The following TADA3 variants were observed in gnomAD, a reference collection of about 807,000 sequenced individuals.
TADA3 encodes the protein transcriptional adapter 3.
A neutral mutation model predicts 43.2 loss-of-function variants in TADA3; 25 were observed. The observed-to-expected ratio is 0.58, with a 90% CI of 0.42 to 0.81. The LOEUF (loss-of-function observed/expected upper bound fraction) is 0.81, where lower values mean the gene tolerates loss of function less well. Among genes scored for constraint, TADA3 ranks in the 30% least tolerant of loss-of-function variants. TADA3 has a pLI of 0.00. For synonymous variants in TADA3, 235 were observed against 225.5 expected, an observed-to-expected ratio of 1.04 and a Z score of -0.38; for missense variants, 441 against 567.8, an observed-to-expected ratio of 0.78 and a Z score of 2.27.
rs534088819 is a variant in TADA3 at position 9,792,379 on chromosome 3, G to GC, written c.-192dup. The stretch of plus-strand genomic sequence containing the variant: ...CTAGGGACACCCTAGTGCGACCCCC[G>GC]CCCCCTCTACCTCCTCGCTGCGGCC... On this transcript the variant is annotated 5_prime_UTR_variant, in exon 1 of 9. Transcript: ENST00000301964. 6.4e-3 allele frequency: 3,877 copies of GC among 608,626 alleles called. 14 individuals carry two copies. The highest frequency in any genetic ancestry group is 7.3e-3 in the Non-Finnish European group (3,484 of 474,368). 37.7% of individuals were successfully genotyped at this position (608,626 alleles called of 1,614,324 possible). A position where few individuals can be genotyped will look rare whatever the true frequency, so the allele number is the denominator to read the frequency against.
At chr3:9,785,250 T>C (rs1344714787) in intron 7 of TADA3, 66 bp downstream of exon 7, 48 of 1,311,824 alleles carry the variant, frequency 3.7e-5, no homozygotes, top group Non-Finnish European at 4.9e-5. Context: ...CTTCCCCAGG[T>C]TGAGATGGAG....
chr3:9,785,452 G>A (rs749563985), intron 6 of TADA3, 27 bp from the exon 7 acceptor site: 28 of 1,503,402 alleles, frequency 1.9e-5, no homozygotes, highest in Non-Finnish European at 2.4e-5. Context: ...ATGAGTGGAA[G>A]GAAAAATAGC....
chr3:9,780,491 T>C lies in TADA3; in HGVS notation c.1165A>G (p.Asn389Asp). Reference protein sequence around the residue: ...ELRQRVRMADNEVMDAFRKIM... With the variant: ...ELRQRVRMADDEVMDAFRKIM... ...TTGCGAAAGGCGTCCATGACCTCGT[T>C]GTCAGCCATGCGCACCCGCTGCCTC... Residue 389 changes from asparagine (N) to aspartate (D), a missense_variant, in exon 9 of 9, where the codon AAC (asparagine) becomes GAC (aspartate). Coordinates refer to ENST00000301964, the MANE Select transcript of TADA3 (RefSeq NM_006354.5). 1 of 1,609,942 alleles carries C rather than the reference T, an allele frequency of 6.2e-7. No homozygotes were observed. Among genetic ancestry groups the C allele is most frequent in the Admixed American group, 1.7e-5 (1 of 59,992 alleles).
chr3:9,783,883 C>G, intron 8 of TADA3, 145 bp downstream of exon 8: 1 of 1,377,970 alleles, frequency 7.3e-7, no homozygotes, highest in Non-Finnish European at 9.5e-7. Context: ...GGTGGACTGG[C>G]CACTGCTGTT....
upstream of TADA3, chr3:9,792,609 C>T: frequency 4.9e-6 from 6 of 1,230,696 alleles, no homozygotes; most frequent in Non-Finnish European, 6.1e-6. Flanking sequence ...TGGTCGGCCT[C>T]AGGCGAGCCC....
chr3:9,792,195 G>A (rs931045187), intron 1 of TADA3, 21 bp downstream of exon 1: 4 of 152,662 alleles, frequency 2.6e-5, no homozygotes, highest in African/African-American at 9.6e-5. Context: ...TCTGAAAAAT[G>A]GGGATAACAA....
upstream of TADA3, chr3:9,792,752 G>T: frequency 8.0e-7 from 1 of 1,243,470 alleles, no homozygotes; most frequent in Non-Finnish European, 1.0e-6. Flanking sequence ...CGGAAGAAAC[G>T]AAGGGCTCGT....
At chr3:9,787,432 C>G (rs764731669) in intron 4 of TADA3, 92 bp from the exon 5 acceptor site, 3 of 1,494,678 alleles carry the variant, frequency 2.0e-6, no homozygotes, top group Non-Finnish European at 2.7e-6. Flanking sequence ...ATATCTCTCT[C>G]AAGTCCCTAG....
chr3:9,785,733 G>A (rs947842316), intron 6 of TADA3, among the ~76,000 whole-genome samples: 1 of 152,234 alleles, frequency 6.6e-6, no homozygotes, highest in Non-Finnish European at 1.5e-5. Flanking sequence ...GCCTGCTGTG[G>A]CGGAGATGCT....
chr3:9,781,921 C>G (rs1036980527), intron 8 of TADA3, among the ~76,000 whole-genome samples: 12 of 149,478 alleles, frequency 8.0e-5, no homozygotes, highest in Non-Finnish European at 1.5e-4. Context: ...TCACTGCAGC[C>G]TCTACCTCCC....
chr3:9,787,068 G>T lies in TADA3; in HGVS notation c.748C>A (p.Gln250Lys). 1 of 1,614,246 alleles carries T rather than the reference G, an allele frequency of 6.2e-7. No homozygotes were observed. The highest frequency in any genetic ancestry group is 1.1e-5 in the South Asian group (1 of 91,088). Reference sequence around the variant, plus strand: ...CCAAAGGGGCATCCATCTTCCGGCTGTTCATGCTGGGCCTCAGACTTCTTC... The same window carrying T: ...CCAAAGGGGCATCCATCTTCCGGCTTTTCATGCTGGGCCTCAGACTTCTTC... Reference protein sequence around the residue: ...LLKKSEAQHEQPEDGCPFGAL... With the variant: ...LLKKSEAQHEKPEDGCPFGAL... Residue 250 changes from glutamine (Q) to lysine (K), a missense_variant, in exon 6 of 9, where the codon CAG becomes AAG. Physicochemically the swap from Gln to Lys is moderately conservative, Grantham distance 53. Transcript: ENST00000301964.
chr3:9,781,438 G>C (rs552909477), intron 8 of TADA3: 1 of 441,450 alleles, frequency 2.3e-6, no homozygotes, highest in African/African-American at 2.0e-5. Flanking sequence ...ATGATCCCAG[G>C]ATCCCACAGT....
chr3:9,792,150 G>A (rs1166951086), intron 1 of TADA3, 66 bp downstream of exon 1: 1 of 152,426 alleles, frequency 6.6e-6, no homozygotes, highest in Admixed American at 6.5e-5. Context: ...GGGGACAAAA[G>A]AAGTCTCGGT....
In TADA3 at chr3:9,789,543, A is replaced by C; in HGVS notation, c.530T>G (p.Leu177Arg). 1 of 1,614,158 alleles carries C rather than the reference A, an allele frequency of 6.2e-7. No homozygotes were observed. ...SEEVRTLEELLKPPEDEAEHY... is the reference protein window; with the variant it reads ...SEEVRTLEELRKPPEDEAEHY... ...CTCAGCCTCATCTTCTGGGGGCTTC[A>C]GTAACTCCTCAAGTGTGCGGACCTC... The change falls in exon 4 of 9, where the codon CTG (leucine) becomes CGG (arginine). Residue 177 changes from leucine to arginine, a missense_variant. Coordinates refer to ENST00000301964, the MANE Select transcript of TADA3 (RefSeq NM_006354.5).
At chr3:9,792,595 C>G, upstream of TADA3, 1 of 1,229,490 alleles carries the variant, frequency 8.1e-7, no homozygotes, top group Non-Finnish European at 1.0e-6. Flanking sequence ...AGGTGGGGTG[C>G]GGGTGGTCGG....
rs192793465 is a variant in TADA3 at position 9,788,926 on chromosome 3, C to T, written c.564+583G>A. Among the ~76,000 whole-genome samples the T allele has an allele frequency of 4.4e-4, 66 of 151,688 alleles. 1 individual carries two copies. In the East Asian group the frequency reaches 0.013, roughly 29 times the overall value. On this transcript the variant is annotated intron_variant, in intron 4 of 8. Transcript: ENST00000301964. ...TCTCGGCTCACTGCAACTTCCACCT[C>T]CCGGGTCCAAGAGATCCTCCTGACT...
At chr3:9,786,161 G>A (rs919738234) in intron 6 of TADA3, among the ~76,000 whole-genome samples, 5 of 152,002 alleles carry the variant, frequency 3.3e-5, no homozygotes, top group Admixed American at 6.6e-5. Context: ...GGATGGTCTC[G>A]ATCTCCTGAC....
intron 6 of TADA3, 66 bp from the exon 7 acceptor site, chr3:9,785,491 T>C (rs1039153978): frequency 9.3e-7 from 1 of 1,079,620 alleles, no homozygotes; most frequent in Non-Finnish European, 1.4e-6. Flanking sequence ...CTTTCTGACC[T>C]ACACTGACAG....
At chr3:9,791,992 C>T (rs1469891918) in intron 1 of TADA3, among the ~76,000 whole-genome samples, 1 of 152,196 alleles carries the variant, frequency 6.6e-6, no homozygotes, top group Non-Finnish European at 1.5e-5. Flanking sequence ...CACCTTTCTC[C>T]CTTCTCTAGT....
Sources: allele counts gnomAD v4.1 joint callset (sites outside exome capture counted in the v4.1 genomes callset), GRCh38; gene constraint gnomAD v4.1.1; transcripts MANE v1.5; gene names NCBI Gene and HGNC (gene_info 2026-07-23, HGNC 2026-07-21).